KDELR2: variants seen among roughly 807,000 people sequenced by gnomAD.
KDELR2 encodes the protein ER lumen protein-retaining receptor 2.
Under a neutral mutation model 23.9 loss-of-function variants are expected in KDELR2, and 15 were observed. The ratio of observed to expected loss-of-function variants is 0.63; its 90% confidence interval spans 0.42 to 0.97. The LOEUF is 0.97. Among genes scored for constraint, KDELR2 ranks in the 50% least tolerant of loss-of-function variants. The pLI, the probability that KDELR2 is intolerant of heterozygous loss-of-function variation, is 0.00. For synonymous variants in KDELR2, 119 were observed against 106.2 expected (o/e 1.12, Z -0.74); for missense variants, 272 against 254.6 (o/e 1.07, Z -0.46).
intron 2 of KDELR2, among the ~76,000 whole-genome samples, chr7:6,472,117 T>G (rs950366239): frequency 6.6e-6 from 1 of 152,160 alleles, no homozygotes; most frequent in African/African-American, 2.4e-5. Context: ...GGTCTCGATC[T>G]CCTCACCATG....
At chr7:6,475,911 AT>A (rs1785740393) in intron 1 of KDELR2, among the ~76,000 whole-genome samples, 1 of 151,992 alleles carries the variant, frequency 6.6e-6, no homozygotes, top group Non-Finnish European at 1.5e-5. Context: ...AAAGCACATT[AT>A]TTTTCTTTTC....
intron 1 of KDELR2, among the ~76,000 whole-genome samples, chr7:6,482,897 C>T (rs907380232): frequency 6.7e-6 from 1 of 148,444 alleles, no homozygotes; most frequent in East Asian, 2.0e-4. Context: ...CCCAGCTATT[C>T]AGGAGTCTGA....
Position 6,483,959 on chromosome 7 carries a change from C to T in KDELR2, c.91+8G>A. On this transcript the variant is annotated splice_region_variant and intron_variant, in intron 1 of 4. Transcript: ENST00000258739. ...CCGAGCCTCTCCGGGCCTTCCCCCG[C>T]CGCTCACCGGCGCAGGAGCGCGTCT... 1 of 1,512,220 alleles carries T rather than the reference C, an allele frequency of 6.6e-7. No individual in the cohort carries two copies. The highest frequency in any genetic ancestry group is 8.9e-7 in the Non-Finnish European group (1 of 1,126,364). 93.7% of individuals were successfully genotyped at this position (1,512,220 alleles called of 1,614,324 possible).
intron 4 of KDELR2, among the ~76,000 whole-genome samples, chr7:6,463,959 G>A (rs1338556859): frequency 1.6e-5 from 2 of 122,960 alleles, no homozygotes; most frequent in African/African-American, 5.4e-5. Flanking sequence ...CACTTGGGGA[G>A]GCTGAGGCAG....
Position 6,474,187 on chromosome 7 carries a change from C to T in KDELR2, c.189G>A (p.Met63Ile), listed in dbSNP as rs1207713443. 1.3e-6 allele frequency: 2 copies of T among 1,590,886 alleles called. No individual in the cohort carries two copies. The highest frequency in any genetic ancestry group is 1.7e-6 in the Non-Finnish European group (2 of 1,158,864). Residue 63 changes from methionine (M) to isoleucine (I), a missense_variant, in exon 2 of 5, where the codon ATG (methionine) becomes ATA (isoleucine). Transcript: ENST00000258739. ...TSFISLYNTS[M>I]KVIYLACSYA... ...TCCTGTGGATGGCATACCATACCTT[C>T]ATAGATGTGTTATACAATGAAATAA... is the stretch of plus-strand genomic sequence containing the variant.
In KDELR2 at chr7:6,483,988, A is replaced by G; in HGVS notation, c.70T>C (p.Trp24Arg). ...TCACCGGCGCAGGAGCGCGTCTTCC[A>G]GATCTTCAGCAGCAGGATGACGATG... The part of the protein sequence containing the change: ...AAIVILLLKI[W>R]KTRSCAGISG... Residue 24 changes from tryptophan to arginine, a missense_variant, in exon 1 of 5, where the codon TGG (tryptophan) becomes CGG (arginine). By Grantham distance (101) the Trp-to-Arg change is moderately radical. Transcript: ENST00000258739. 1 of 1,531,566 alleles carries G rather than the reference A, an allele frequency of 6.5e-7. No individual in the cohort carries two copies. The highest frequency in any genetic ancestry group is 8.8e-7 in the Non-Finnish European group (1 of 1,137,188). The allele number at this position is 1,531,566 out of a possible 1,614,324, so 94.9% of individuals were successfully genotyped here.
At chr7:6,470,362 C>T (rs13240397) in intron 2 of KDELR2, 1 of 152,090 alleles carries the variant, frequency 6.6e-6, no homozygotes, top group African/African-American at 2.4e-5. Flanking sequence ...TACATCTCAA[C>T]GATGCCAGTT....
At chr7:6,477,724 A>C (rs1473808801) in intron 1 of KDELR2, among the ~76,000 whole-genome samples, 1 of 152,200 alleles carries the variant, frequency 6.6e-6, no homozygotes, top group East Asian at 1.9e-4. Flanking sequence ...AGACTGGTGC[A>C]ATCATAGCTT....
At chr7:6,481,959 T>A (rs1197394455) in intron 1 of KDELR2, among the ~76,000 whole-genome samples, 1 of 151,426 alleles carries the variant, frequency 6.6e-6, no homozygotes. Context: ...AGCACCTACC[T>A]CCTAAGGTCG....
At chr7:6,471,244 C>G (rs1241971477) in intron 2 of KDELR2, among the ~76,000 whole-genome samples, 2 of 119,358 alleles carry the variant, frequency 1.7e-5, no homozygotes, top group Non-Finnish European at 3.2e-5. Context: ...TGCAGTGGCA[C>G]AATCTCGGCT....
At chr7:6,464,237 A>T (rs1785451931) in intron 4 of KDELR2, among the ~76,000 whole-genome samples, 1 of 105,278 alleles carries the variant, frequency 9.5e-6, no homozygotes, top group African/African-American at 3.7e-5. Flanking sequence ...AAAAAAAAAA[A>T]AAGCTAGGCG....
intron 2 of KDELR2, among the ~76,000 whole-genome samples, chr7:6,470,780 G>C (rs889433448): frequency 6.6e-6 from 1 of 152,046 alleles, no homozygotes; most frequent in Non-Finnish European, 1.5e-5. Context: ...CCAAAAACTG[G>C]ATAAATAATT....
At chr7:6,481,365 C>CAA (rs11388243) in intron 1 of KDELR2, among the ~76,000 whole-genome samples, 1,686 of 117,334 alleles carry the variant, frequency 0.014, 19 homozygotes, top group South Asian at 0.032. Context: ...AAGTTCATCT[C>CAA]AAAAAAAAAA....
At chr7:6,465,955 A>C in intron 4 of KDELR2, 116 bp downstream of exon 4, 1 of 1,056,742 alleles carries the variant, frequency 9.5e-7, no homozygotes, top group Non-Finnish European at 1.4e-6. Context: ...GCCAATCATG[A>C]AAGTGTTTCT....
intron 1 of KDELR2, among the ~76,000 whole-genome samples, chr7:6,479,475 T>C (rs1415676296): frequency 1.3e-5 from 2 of 151,810 alleles, no homozygotes; most frequent in Admixed American, 6.6e-5. Context: ...ACTTTTTTTT[T>C]GTTTGTTTGT....
chr7:6,468,738 T>G (rs550199723), intron 3 of KDELR2, among the ~76,000 whole-genome samples: 89 of 151,388 alleles, frequency 5.9e-4, no homozygotes, highest in Non-Finnish European at 9.7e-4. Flanking sequence ...TCCCTTGACT[T>G]CGTGTCCCAC....
intron 4 of KDELR2, 29 bp from the exon 5 acceptor site, chr7:6,463,204 CAAA>C (rs1334753902): frequency 6.3e-7 from 1 of 1,582,028 alleles, no homozygotes; most frequent in Admixed American, 1.8e-5. Flanking sequence ...GAAAAGAAAA[CAAA>C]AGGTTACTGA....
intron 2 of KDELR2, 86 bp downstream of exon 2, chr7:6,474,098 T>C: frequency 1.2e-6 from 1 of 816,960 alleles, no homozygotes; most frequent in Non-Finnish European, 2.0e-6. Context: ...AGCATTTTAA[T>C]TAAAAATACA....
At chr7:6,468,801 G>C (rs2115325274) in intron 3 of KDELR2, among the ~76,000 whole-genome samples, 1 of 152,234 alleles carries the variant, frequency 6.6e-6, no homozygotes, top group Non-Finnish European at 1.5e-5. Context: ...ACTGCGCATG[G>C]CCAGTTTTTG....
Sources: gnomAD v4.1 joint callset for allele counts (sites outside exome capture counted in the v4.1 genomes callset) on GRCh38, gnomAD v4.1.1 for gene constraint, MANE v1.5 for transcripts, NCBI Gene and HGNC (gene_info 2026-07-23, HGNC 2026-07-21) for gene names.